Variants in LEPR observed in about 807,000 individuals in gnomAD.
The protein encoded by LEPR is leptin receptor.
Under a neutral mutation model 114.7 loss-of-function variants are expected in LEPR, and 56 were observed. The ratio of observed to expected loss-of-function variants is 0.49; its 90% CI spans 0.39 to 0.61. The LOEUF is 0.61. Among genes scored for constraint, LEPR ranks in the 20% least tolerant of loss-of-function variants. LEPR has a pLI of 0.00. For missense variants in LEPR, 1,202 were observed against 1,352.9 expected, an observed-to-expected ratio of 0.89 and a Z score of 1.75; for synonymous variants, 443 against 461.4, an observed-to-expected ratio of 0.96 and a Z score of 0.51.
At chr1:65,591,263 A>G (rs1557682160) in intron 5 of LEPR, among the ~76,000 whole-genome samples, 1 of 152,068 alleles carries the variant, frequency 6.6e-6, no homozygotes, top group East Asian at 1.9e-4. Flanking sequence ...TCCTTGGTAA[A>G]TGCTTTTGCA....
chr1:65,578,938 C>A (rs574299332), intron 5 of LEPR, among the ~76,000 whole-genome samples: 2 of 152,140 alleles, frequency 1.3e-5, no homozygotes, highest in Non-Finnish European at 2.9e-5. Context: ...AGAGGAGGAA[C>A]CCAGATATAG....
At chr1:65,455,735 G>A (rs2100350314) in intron 2 of LEPR, among the ~76,000 whole-genome samples, 1 of 152,320 alleles carries the variant, frequency 6.6e-6, no homozygotes, top group Admixed American at 6.5e-5. Context: ...CTGTCTTTTT[G>A]TTTGTCTGTG....
intron 2 of LEPR, among the ~76,000 whole-genome samples, chr1:65,551,198 C>T (rs1214720132): frequency 1.3e-5 from 2 of 151,890 alleles, no homozygotes; most frequent in Non-Finnish European, 2.9e-5. Flanking sequence ...TTGTCTATGC[C>T]AGGTTTTAGT....
Position 65,570,614 on chromosome 1 carries a change from A to G in LEPR, c.182A>G (p.Asn61Ser), listed in dbSNP as rs370723424. The G allele has an allele frequency of 6.2e-7, 1 of 1,613,982 alleles. No homozygotes were observed. The highest frequency in any genetic ancestry group is 8.5e-7 in the Non-Finnish European group (1 of 1,179,936). Residue 61 changes from asparagine (N) to serine (S), a missense_variant, in exon 4 of 20, where the codon AAT becomes AGT. By Grantham distance (46) the Asn-to-Ser change is conservative. Coordinates refer to ENST00000349533, the MANE Select transcript of LEPR (RefSeq NM_002303.6). ...CTCTCAAAGAATACTTCAAATTCGA[A>G]TGGACATTATGAGACAGCTGTTGAA... ...AGLSKNTSNSNGHYETAVEPK... is the reference protein window; with the variant it reads ...AGLSKNTSNSSGHYETAVEPK...
chr1:65,508,289 A>G (rs1648860675), intron 2 of LEPR, among the ~76,000 whole-genome samples: 1 of 152,120 alleles, frequency 6.6e-6, no homozygotes, highest in African/African-American at 2.4e-5. Flanking sequence ...ACTTTTCCCT[A>G]GGTTTTCTTC....
At chr1:65,611,040 G>C (rs1657133710) in intron 14 of LEPR, among the ~76,000 whole-genome samples, 1 of 152,154 alleles carries the variant, frequency 6.6e-6, no homozygotes, top group Non-Finnish European at 1.5e-5. Context: ...TCTAAATCCA[G>C]TTACTCTATA....
chr1:65,570,382 A>G, intron 3 of LEPR, 91 bp from the exon 4 acceptor site: 1 of 1,213,154 alleles, frequency 8.2e-7, no homozygotes, highest in Admixed American at 2.3e-5. Flanking sequence ...ATAATTATTG[A>G]GCACTACATG....
chr1:65,636,335 G>A lies in LEPR; in HGVS notation c.2818G>A (p.Val940Ile), dbSNP rs370121973. The A allele has an allele frequency of 1.2e-6, 2 of 1,613,898 alleles. No individual in the cohort carries two copies. Among genetic ancestry groups the A allele is most frequent in the Non-Finnish European group, 8.5e-7 (1 of 1,179,988 alleles). The change falls in exon 20 of 20, where the codon GTC (valine) becomes ATC (isoleucine). Residue 940 changes from valine to isoleucine, a missense_variant. Physicochemically the swap from Val to Ile is conservative, Grantham distance 29. Coordinates refer to ENST00000349533, the MANE Select transcript of LEPR (RefSeq NM_002303.6). ...AGATGAGATGATGCCAACAACTGTG[G>A]TCTCTCTACTTTCAACAACAGATCT... ...NKDEMMPTTV[V>I]SLLSTTDLEK...
At chr1:65,538,038 G>T (rs555609305) in intron 2 of LEPR, among the ~76,000 whole-genome samples, 1 of 152,038 alleles carries the variant, frequency 6.6e-6, no homozygotes, top group African/African-American at 2.4e-5. Context: ...TTTACATTGT[G>T]AATTTCTGTG....
At chr1:65,501,550 C>G (rs1221969564) in intron 2 of LEPR, among the ~76,000 whole-genome samples, 1 of 151,858 alleles carries the variant, frequency 6.6e-6, no homozygotes, top group Non-Finnish European at 1.5e-5. Context: ...TTGATTACAT[C>G]TGCATAGAGC....
intron 2 of LEPR, among the ~76,000 whole-genome samples, chr1:65,520,121 C>T (rs535743177): frequency 6.6e-6 from 1 of 152,200 alleles, no homozygotes; most frequent in South Asian, 2.1e-4. Flanking sequence ...CCTTGGCCTC[C>T]CAAAGTGCTG....
At chr1:65,430,340 T>A (rs1646461617) in intron 2 of LEPR, 1 of 239,460 alleles carries the variant, frequency 4.2e-6, no homozygotes, top group East Asian at 8.1e-5. Flanking sequence ...AATCTTACAG[T>A]AATCCACAGA....
chr1:65,535,369 A>T (rs1293671722), intron 2 of LEPR, among the ~76,000 whole-genome samples: 3 of 150,060 alleles, frequency 2.0e-5, no homozygotes. Flanking sequence ...GATTTGGGGG[A>T]GAAAATATTT....
At chr1:65,421,190 T>G (rs1207880204) in intron 1 of LEPR, 1 of 843,698 alleles carries the variant, frequency 1.2e-6, no homozygotes, top group Admixed American at 3.2e-5. Flanking sequence ...CTAATGATTT[T>G]TCCAACTGGG....
At chr1:65,629,606 A>C (rs1038777743) in intron 19 of LEPR, among the ~76,000 whole-genome samples, 2 of 151,370 alleles carry the variant, frequency 1.3e-5, no homozygotes, top group Non-Finnish European at 3.0e-5. Context: ...CTTTTCCTTA[A>C]GTTTCTAATT....
At chr1:65,622,208 G>A (rs1256090192) in intron 18 of LEPR, among the ~76,000 whole-genome samples, 1 of 152,200 alleles carries the variant, frequency 6.6e-6, no homozygotes, top group Non-Finnish European at 1.5e-5. Context: ...TAAGCAGTAT[G>A]TTCTTGGAGG....
At chr1:65,587,830 G>T (rs896573334) in intron 5 of LEPR, among the ~76,000 whole-genome samples, 9 of 152,002 alleles carry the variant, frequency 5.9e-5, no homozygotes, top group Non-Finnish European at 1.0e-4. Flanking sequence ...TGCAGAGAAA[G>T]ACTAGGGTCT....
chr1:65,613,759 C>CAAAA (rs754145031), intron 14 of LEPR, among the ~76,000 whole-genome samples: 1 of 32,268 alleles, frequency 3.1e-5, no homozygotes, highest in African/African-American at 1.8e-4. Context: ...GACTCCGTCT[C>CAAAA]AAAAAAAAAA....
At chr1:65,620,643 G>A (rs969715256) in intron 17 of LEPR, among the ~76,000 whole-genome samples, 6 of 152,106 alleles carry the variant, frequency 3.9e-5, no homozygotes, top group Middle Eastern at 3.2e-3. Flanking sequence ...GATGATATTC[G>A]AGTAAAACCT....
Sources: allele counts gnomAD v4.1 joint callset (sites outside exome capture counted in the v4.1 genomes callset), GRCh38; gene constraint gnomAD v4.1.1; transcripts MANE v1.5; gene names NCBI Gene and HGNC (gene_info 2026-07-23, HGNC 2026-07-21).